The following FRMPD3 variants were observed in gnomAD, a reference collection of about 807,000 sequenced individuals.
FRMPD3 encodes FERM and PDZ domain-containing protein 3.
FRMPD3 carries 42 observed loss-of-function variants against 97.9 expected under a neutral mutation model. The observed-to-expected ratio is 0.43, with a 90% confidence interval of 0.34 to 0.55. The LOEUF (loss-of-function observed/expected upper bound fraction) is 0.55, where lower values mean the gene tolerates loss of function less well. FRMPD3 is among the 20% of genes least tolerant of loss of function. FRMPD3 has a pLI of 0.03. For missense variants in FRMPD3, 1,303 were observed against 1,457.7 expected (o/e 0.89, Z 1.73); for synonymous variants, 577 against 581.1 (o/e 0.99, Z 0.10).
intron 13 of FRMPD3, among the ~76,000 whole-genome samples, chrX:107,588,788 T>C (rs1923775980): frequency 8.9e-6 from 1 of 112,122 alleles, no homozygotes; most frequent in Non-Finnish European, 1.9e-5. Flanking sequence ...TTCATTCTTT[T>C]TTCTCTAGTC....
At chrX:107,563,588 ATTAT>A (rs1922476123) in intron 11 of FRMPD3, among the ~76,000 whole-genome samples, 1 of 112,808 alleles carries the variant, frequency 8.9e-6, no homozygotes, top group Admixed American at 9.4e-5. Context: ...TTTACCAATA[ATTAT>A]TTATGGATAC....
At chrX:107,581,550 A>G (rs1923392217) in intron 13 of FRMPD3, among the ~76,000 whole-genome samples, 1 of 111,123 alleles carries the variant, frequency 9.0e-6, no homozygotes, top group Non-Finnish European at 1.9e-5. Context: ...TTTGTTTAAT[A>G]TATTTAATAT....
intron 1 of FRMPD3, among the ~76,000 whole-genome samples, chrX:107,465,615 A>T (rs1450416099): frequency 8.9e-6 from 1 of 111,972 alleles, no homozygotes; most frequent in Non-Finnish European, 1.9e-5. Context: ...CCAATTGGTA[A>T]GTGACAACCA....
rs60695168 is a variant in FRMPD3 at position 107,493,177 on chromosome X, CAAAAAAAA to C, written c.-7-33389_-7-33382del. ...CCTGGGTGACAAAGCGAGACCCTGT[CAAAAAAAA>C]AAAAAAAAAAAAAAAGACACTAGCC... On this transcript the variant is annotated intron_variant, in intron 1 of 14. Transcript: ENST00000683843. Among the ~76,000 whole-genome samples the C allele has an allele frequency of 1.2e-3, 61 of 51,719 alleles. 1 individual carries two copies. The highest frequency in any genetic ancestry group is 8.7e-3 in the Admixed American group (28 of 3,202). 44.9% of individuals were successfully genotyped at this position (51,719 alleles called of 115,157 possible).
At chrX:107,501,980 C>T (rs1255972342) in intron 1 of FRMPD3, among the ~76,000 whole-genome samples, 1 of 110,468 alleles carries the variant, frequency 9.1e-6, no homozygotes, top group African/African-American at 3.3e-5. Flanking sequence ...TTCAAAAGCC[C>T]AGCCCCCCTC....
intron 1 of FRMPD3, among the ~76,000 whole-genome samples, chrX:107,478,978 A>C (rs1042833563): frequency 1.8e-5 from 2 of 110,833 alleles, no homozygotes; most frequent in Non-Finnish European, 3.8e-5. Context: ...TCTCCACCCC[A>C]CCCCCGAACC....
intron 6 of FRMPD3, among the ~76,000 whole-genome samples, chrX:107,551,852 G>T (rs929395414): frequency 8.0e-5 from 9 of 112,750 alleles, no homozygotes; most frequent in Middle Eastern, 4.6e-3. Context: ...CACAAGAGAT[G>T]CTCTGAAGTA....
chrX:107,573,406 C>T (rs1382446266), intron 12 of FRMPD3, among the ~76,000 whole-genome samples: 1 of 111,795 alleles, frequency 8.9e-6, no homozygotes, highest in African/African-American at 3.3e-5. Flanking sequence ...GGCAGCAAGA[C>T]AGCAAGAAGG....
At chrX:107,564,229 C>T (rs1053615675) in intron 11 of FRMPD3, among the ~76,000 whole-genome samples, 1 of 112,302 alleles carries the variant, frequency 8.9e-6, no homozygotes, top group Admixed American at 9.4e-5. Flanking sequence ...ACTGTCCCCT[C>T]CCACCTCCTT....
chrX:107,594,771 C>T (rs780978167), intron 13 of FRMPD3, among the ~76,000 whole-genome samples: 4 of 111,355 alleles, frequency 3.6e-5, no homozygotes, highest in Non-Finnish European at 5.7e-5. Context: ...ATCCCAGCTA[C>T]TTGGGAGGCT....
chrX:107,472,518 C>T (rs1921088914), intron 1 of FRMPD3, among the ~76,000 whole-genome samples: 1 of 100,163 alleles, frequency 1.0e-5, no homozygotes, highest in Admixed American at 1.0e-4. Context: ...TGGAGGCTCC[C>T]ATAAAAAAAA....
chrX:107,477,551 T>C (rs1399046417), intron 1 of FRMPD3, among the ~76,000 whole-genome samples: 1 of 112,812 alleles, frequency 8.9e-6, no homozygotes, highest in African/African-American at 3.2e-5. Context: ...CCGGCTAGCA[T>C]CTGAGCCAAA....
chrX:107,500,109 A>C (rs980195246), intron 1 of FRMPD3, among the ~76,000 whole-genome samples: 11 of 112,086 alleles, frequency 9.8e-5, no homozygotes, highest in Admixed American at 8.5e-4. Context: ...TCTTTTAATA[A>C]AAACGGCAAC....
chrX:107,534,786 C>G (rs1923144390), intron 4 of FRMPD3, among the ~76,000 whole-genome samples: 1 of 111,949 alleles, frequency 8.9e-6, no homozygotes, highest in South Asian at 3.7e-4. Context: ...CACGTACACT[C>G]ACACACATAC....
intron 1 of FRMPD3, among the ~76,000 whole-genome samples, chrX:107,482,467 A>G (rs773374799): frequency 1.8e-5 from 2 of 111,571 alleles, no homozygotes; most frequent in Admixed American, 1.9e-4. Context: ...TTGGAGCCCA[A>G]GGGTCACCAG....
At chrX:107,560,553 C>T (rs1243296245) in intron 9 of FRMPD3, among the ~76,000 whole-genome samples, 160 bp downstream of exon 9, 2 of 111,070 alleles carry the variant, frequency 1.8e-5, no homozygotes, top group Non-Finnish European at 3.8e-5. Context: ...AGAGCTACAG[C>T]TTCTACTAGG....
intron 1 of FRMPD3, among the ~76,000 whole-genome samples, chrX:107,515,775 G>C (rs1210768937): frequency 3.6e-5 from 4 of 111,573 alleles, no homozygotes; most frequent in African/African-American, 1.3e-4. Context: ...TTAGGAAAGA[G>C]AATGAATGCC....
At chrX:107,509,982 C>T (rs994527729) in intron 1 of FRMPD3, among the ~76,000 whole-genome samples, 61 of 110,768 alleles carry the variant, frequency 5.5e-4, no homozygotes, top group Non-Finnish European at 1.0e-3. Context: ...TGGAGGAAGC[C>T]CTGATTCACA....
chrX:107,461,438 C>T (rs1931469999), intron 1 of FRMPD3, among the ~76,000 whole-genome samples: 1 of 110,761 alleles, frequency 9.0e-6, no homozygotes, highest in African/African-American at 3.3e-5. Flanking sequence ...CAGTTCATCT[C>T]TTGGCAGTTC....
Sources: gnomAD v4.1 joint callset for allele counts (sites outside exome capture counted in the v4.1 genomes callset) on GRCh38, gnomAD v4.1.1 for gene constraint, MANE v1.5 for transcripts, NCBI Gene and HGNC (gene_info 2026-07-23, HGNC 2026-07-21) for gene names.